DDHD2: variants seen among roughly 807,000 people sequenced by gnomAD.
DDHD2 encodes triacylglycerol hydrolase DDHD2.
A neutral mutation model predicts 91.2 loss-of-function variants in DDHD2; 62 were observed. The observed-to-expected ratio is 0.68, with a 90% CI of 0.55 to 0.84. The LOEUF is 0.84. Among genes scored for constraint, DDHD2 ranks in the 40% least tolerant of loss-of-function variants. DDHD2 has a pLI of 0.00. For missense variants in DDHD2, 740 were observed against 846.9 expected, an observed-to-expected ratio of 0.87 and a Z score of 1.57; for synonymous variants, 271 against 293.9, an observed-to-expected ratio of 0.92 and a Z score of 0.80.
At chr8:38,252,348 T>C in intron 13 of DDHD2, 61 bp downstream of exon 13, 1 of 1,527,596 alleles carries the variant, frequency 6.5e-7, no homozygotes, top group South Asian at 1.3e-5. Context: ...TTAAAGAACA[T>C]AGGATTTTCT....
intron 15 of DDHD2, 110 bp downstream of exon 15, chr8:38,253,237 T>C: frequency 1.7e-6 from 2 of 1,152,908 alleles, no homozygotes; most frequent in South Asian, 1.7e-5. Flanking sequence ...ATAGTTAATA[T>C]TGCATTCTTT....
chr8:38,270,468 TACTC>T (rs1213706803), intron 1 of DDHD2: 1 of 152,250 alleles, frequency 6.6e-6, no homozygotes, highest in Non-Finnish European at 1.5e-5. Context: ...CCAGTTGTAA[TACTC>T]ATTTAGCATC....
chr8:38,234,339 T>A, intron 2 of DDHD2, 55 bp from the exon 3 acceptor site: 1 of 1,339,464 alleles, frequency 7.5e-7, no homozygotes, highest in Non-Finnish European at 1.0e-6. Context: ...GAATTGTATG[T>A]TGGGAGATTT....
rs926706630 is a variant in DDHD2 at position 38,240,355 on chromosome 8, G to A, written c.703G>A (p.Val235Ile). ...TTGTGATCTCCGCTTTCGAAGCATT[G>A]TACAGTGTGGTAGGTTTGCAAAGCA... ...PACDLRFRSI[V>I]QCVNDFRSVS... Residue 235 changes from valine (V) to isoleucine (I), a missense_variant, in exon 6 of 18, where the codon GTA (valine) becomes ATA (isoleucine). Val to Ile is a conservative substitution (Grantham distance 29, BLOSUM62 3). Around this residue, in one of 2 missense-constraint regions of DDHD2, gnomAD observed 693 missense variants for 764.2 expected, o/e 0.91. Coordinates refer to ENST00000397166, the MANE Select transcript of DDHD2 (RefSeq NM_015214.3). 6.2e-7 allele frequency: 1 copy of A among 1,606,354 alleles called. No homozygotes were observed. The highest frequency in any genetic ancestry group is 8.5e-7 in the Non-Finnish European group (1 of 1,174,196).
chr8:38,266,230 G>C (rs542608468), downstream of DDHD2: 1 of 1,613,850 alleles, frequency 6.2e-7, no homozygotes, highest in Non-Finnish European at 8.5e-7. Context: ...GAACCTCCAA[G>C]ATTTCCCACG....
chr8:38,270,250 T>C (rs3739252), intron 1 of DDHD2: 35,313 of 152,118 alleles, frequency 0.23, 4,332 homozygotes, highest in East Asian at 0.31. Flanking sequence ...GGCAAAGTAA[T>C]GGTTCACAGG....
At chr8:38,273,548 T>C (rs1585845413), downstream of DDHD2, 2 of 152,240 alleles carry the variant, frequency 1.3e-5, no homozygotes, top group African/African-American at 2.4e-5. Flanking sequence ...TGTTGGATAC[T>C]GTTTCAAGAA....
At chr8:38,251,076 TG>T (rs1450987991) in intron 11 of DDHD2, 2 of 152,246 alleles carry the variant, frequency 1.3e-5, no homozygotes, top group African/African-American at 4.8e-5. Flanking sequence ...GTCGGAGTGT[TG>T]CTCTGTCGCC....
intron 10 of DDHD2, among the ~76,000 whole-genome samples, chr8:38,248,238 G>T (rs895192469): frequency 1.1e-4 from 17 of 152,088 alleles, no homozygotes; most frequent in African/African-American, 4.1e-4. Context: ...TAGAGATGGG[G>T]TTTCACTGTA....
At chr8:38,272,449 G>A (rs905399631), downstream of DDHD2, 1 of 152,358 alleles carries the variant, frequency 6.6e-6, no homozygotes, top group Admixed American at 6.5e-5. Context: ...CAGGAATGAA[G>A]AGCCATCCAC....
At chr8:38,251,811 CA>C (rs1806130781) in intron 11 of DDHD2, 100 bp from the exon 12 acceptor site, 1 of 770,538 alleles carries the variant, frequency 1.3e-6, no homozygotes, top group African/African-American at 1.8e-5. Flanking sequence ...TGGGCTTAAA[CA>C]ATCCTACCTA....
At chr8:38,234,349 T>G (rs2130741287) in intron 2 of DDHD2, 45 bp from the exon 3 acceptor site, 1 of 1,410,036 alleles carries the variant, frequency 7.1e-7, no homozygotes, top group African/African-American at 1.5e-5. Flanking sequence ...TTGGGAGATT[T>G]ATTTTGAAAT....
At chr8:38,263,302 G>A (rs749800111), downstream of DDHD2, 4 of 790,170 alleles carry the variant, frequency 5.1e-6, no homozygotes, top group Non-Finnish European at 6.1e-6. Flanking sequence ...ATATTCCATT[G>A]TGAAGAAGGG....
At chr8:38,268,834 G>A in intron 1 of DDHD2, 1 of 1,485,522 alleles carries the variant, frequency 6.7e-7, no homozygotes, top group South Asian at 1.4e-5. Context: ...GGTGCCCGCG[G>A]GAAGCCGGGT....
At position 38,247,737 on chromosome 8, in the gene DDHD2, C is replaced by T; in HGVS notation, c.1150C>T (p.Gln384Ter). Reference sequence around the variant, plus strand: ...GGATTCGCTAAATATTGTAATGGATCAAGGAGATACACCTACACTAGAGGA... The same window carrying T: ...GGATTCGCTAAATATTGTAATGGATTAAGGAGATACACCTACACTAGAGGA... The part of the protein sequence containing the change: ...EKDSLNIVMD[Q>*]GDTPTLEEDL... Residue 384 changes from glutamine to a stop codon, truncating the protein, a stop_gained, in exon 10 of 18, where the codon CAA becomes TAA. Transcript: ENST00000397166. LOFTEE classifies it high-confidence loss of function. 6.5e-7 allele frequency: 1 copy of T among 1,540,616 alleles called. No homozygotes were observed. The highest frequency in any genetic ancestry group is 8.8e-7 in the Non-Finnish European group (1 of 1,139,300).
chr8:38,269,223 C>G, intron 1 of DDHD2: 1 of 1,483,914 alleles, frequency 6.7e-7, no homozygotes. Context: ...CCGAGCGACG[C>G]TGCGCTGACG....
rs951044323 is a variant in DDHD2 at position 38,268,649 on chromosome 8, C to T, written n.88-2473C>T. ...CCGTGCGGCTCGGGCCCCGGTACCT[C>T]AGGCTGAGGCACAGAGCGCCCGGGA... On this transcript the variant is annotated intron_variant and non_coding_transcript_variant, in intron 1 of 1. Transcript: ENST00000526071. The T allele has an allele frequency of 9.1e-6, 13 of 1,435,412 alleles. No individual in the cohort carries two copies. The African/African-American group carries it at 1.3e-4, about 14-fold the overall frequency. The allele number at this position is 1,435,412 out of a possible 1,614,324, so 88.9% of individuals were successfully genotyped here.
chr8:38,246,407 A>C, intron 9 of DDHD2, 107 bp downstream of exon 9: 3 of 747,502 alleles, frequency 4.0e-6, no homozygotes, highest in Non-Finnish European at 6.8e-6. Flanking sequence ...ATGTCATGAC[A>C]TTACATTTAC....
At chr8:38,259,467 C>A (rs1034400057) in intron 16 of DDHD2, among the ~76,000 whole-genome samples, 1 of 151,870 alleles carries the variant, frequency 6.6e-6, no homozygotes, top group Non-Finnish European at 1.5e-5. Flanking sequence ...CTCACTGCAA[C>A]CTCCGCTTCC....
Sources: gnomAD v4.1 joint callset for allele counts (sites outside exome capture counted in the v4.1 genomes callset) on GRCh38, gnomAD v4.1.1 for gene constraint, gnomAD v4.1.1 regional missense constraint, MANE v1.5 for transcripts, NCBI Gene and HGNC (gene_info 2026-07-23, HGNC 2026-07-21) for gene names.